TMEM114: variants seen among roughly 807,000 people sequenced by gnomAD.
TMEM114 encodes the protein transmembrane protein 114, also known as claudin-26.
Under a neutral mutation model 6.2 loss-of-function variants are expected in TMEM114, and 6 were observed. The ratio of observed to expected loss-of-function variants is 0.97; its 90% CI spans 0.53 to 1.91. The LOEUF (loss-of-function observed/expected upper bound fraction) is 1.91, where lower values mean the gene tolerates loss of function less well. Ranked by LOEUF, TMEM114 falls within the 40% of genes most tolerant of loss-of-function variation. The pLI is 0.01. For missense variants in TMEM114, 218 were observed against 158.3 expected (o/e 1.38, Z -2.02); for synonymous variants, 104 against 73.0 (o/e 1.42, Z -2.16).
intron 2 of TMEM114, among the ~76,000 whole-genome samples, chr16:8,546,730 A>C (rs556689202): frequency 6.6e-6 from 1 of 152,222 alleles, no homozygotes; most frequent in Admixed American, 6.5e-5. Flanking sequence ...ACTTGTAATT[A>C]TCCCACCTTC....
chr16:8,528,989 A>G, the TMEM114 span, among the ~76,000 whole-genome samples: 9 of 152,214 alleles, frequency 5.9e-5, no homozygotes, highest in Non-Finnish European at 1.3e-4. Flanking sequence ...CTATTTCATG[A>G]CAGCTGAGCA....
intron 2 of TMEM114, among the ~76,000 whole-genome samples, chr16:8,585,678 T>C (rs766569809): frequency 2.0e-5 from 3 of 151,732 alleles, no homozygotes; most frequent in Non-Finnish European, 4.4e-5. Context: ...GAGTACATGG[T>C]ATGAAGGGGC....
intron 2 of TMEM114, among the ~76,000 whole-genome samples, chr16:8,580,428 A>G (rs1902098349): frequency 6.6e-6 from 1 of 151,180 alleles, no homozygotes; most frequent in African/African-American, 2.4e-5. Flanking sequence ...CGGAGGCTGC[A>G]GTGAGGCGAG....
chr16:8,569,515 G>A lies in TMEM114; in HGVS notation c.*258C>T. 2 of 1,384,606 alleles carry A rather than the reference G, an allele frequency of 1.4e-6. No individual in the cohort carries two copies. Among genetic ancestry groups the A allele is most frequent in the East Asian group, 2.7e-5 (1 of 37,484 alleles). 85.8% of individuals were successfully genotyped at this position (1,384,606 alleles called of 1,614,324 possible). A position where few individuals can be genotyped will look rare whatever the true frequency, so the allele number is the denominator to read the frequency against. ...AAGCTCTGTGTGTGATTAAAGGATC[G>A]TTTTTATTTCTCGCGAAGCGGTTTG... On this transcript the variant is annotated 3_prime_UTR_variant, in exon 4 of 4. Transcript: ENST00000620492.
chr16:8,562,586 AAGTAAGTGAATGAGTG>A (rs1334044678), intron 2 of TMEM114, among the ~76,000 whole-genome samples: 1 of 25,192 alleles, frequency 4.0e-5, no homozygotes, highest in South Asian at 1.2e-3. Flanking sequence ...GTGAGGAAAT[AAGTAAGTGAATGAGTG>A]AGTGAGTGAA....
At chr16:8,558,195 G>C (rs1012113950) in intron 2 of TMEM114, among the ~76,000 whole-genome samples, 27 of 152,194 alleles carry the variant, frequency 1.8e-4, no homozygotes, top group African/African-American at 5.8e-4. Context: ...AGATGTTGCA[G>C]TGAGCACACG....
intron 2 of TMEM114, among the ~76,000 whole-genome samples, chr16:8,555,304 G>T (rs766273227): frequency 1.3e-5 from 2 of 152,220 alleles, no homozygotes; most frequent in Admixed American, 6.5e-5. Flanking sequence ...GAGGTGGCAG[G>T]GTTGCAGCTC....
At chr16:8,554,691 C>T (rs919454034) in intron 2 of TMEM114, among the ~76,000 whole-genome samples, 2 of 150,766 alleles carry the variant, frequency 1.3e-5, no homozygotes, top group African/African-American at 4.9e-5. Context: ...GGTTCAAAAT[C>T]CTGGAAATGA....
chr16:8,559,822 G>A (rs1030313394), intron 2 of TMEM114, among the ~76,000 whole-genome samples: 2 of 152,280 alleles, frequency 1.3e-5, no homozygotes, highest in African/African-American at 4.8e-5. Flanking sequence ...TTCCATGACA[G>A]AAGCTGCAGC....
At chr16:8,563,207 G>T (rs1901344501) in intron 2 of TMEM114, among the ~76,000 whole-genome samples, 3 of 151,344 alleles carry the variant, frequency 2.0e-5, no homozygotes, top group Non-Finnish European at 4.4e-5. Flanking sequence ...ATGAGTGAAT[G>T]AGTGAGCAAA....
intron 2 of TMEM114, among the ~76,000 whole-genome samples, chr16:8,580,330 T>C (rs1902093756): frequency 6.6e-6 from 1 of 151,732 alleles, no homozygotes. Context: ...CTACTAAAAA[T>C]ACAAAAATTA....
chr16:8,553,794 C>A (rs1345958376), intron 2 of TMEM114, among the ~76,000 whole-genome samples: 1 of 151,760 alleles, frequency 6.6e-6, no homozygotes, highest in Non-Finnish European at 1.5e-5. Flanking sequence ...CTCAGCTTTT[C>A]AAGTTCATTA....
At chr16:8,553,294 C>G (rs1027428678) in intron 2 of TMEM114, among the ~76,000 whole-genome samples, 3 of 152,210 alleles carry the variant, frequency 2.0e-5, no homozygotes, top group East Asian at 1.9e-4. Flanking sequence ...TCTGGAAAAT[C>G]TGGCCACGGG....
At chr16:8,532,255 T>A in the TMEM114 span, among the ~76,000 whole-genome samples, 1 of 152,202 alleles carries the variant, frequency 6.6e-6, no homozygotes, top group African/African-American at 2.4e-5. Flanking sequence ...TGAACGTAAC[T>A]CCTAGAGTCA....
chr16:8,574,413 C>CA (rs1901843330), intron 2 of TMEM114, among the ~76,000 whole-genome samples: 1 of 152,130 alleles, frequency 6.6e-6, no homozygotes, highest in Non-Finnish European at 1.5e-5. Context: ...CCGTGACCTC[C>CA]ACTCTGACCA....
At chr16:8,564,204 G>GGTGAATGAGTGAGTTA (rs1303268448) in intron 2 of TMEM114, among the ~76,000 whole-genome samples, 1 of 122,182 alleles carries the variant, frequency 8.2e-6, no homozygotes. Context: ...TGAGTGAGTG[G>GGTGAATGAGTGAGTTA]GTGAATGAGT....
chr16:8,537,144 G>T (rs1900384269), downstream of TMEM114, among the ~76,000 whole-genome samples: 4 of 152,040 alleles, frequency 2.6e-5, no homozygotes, highest in Admixed American at 6.5e-5. Context: ...AGTTGAAGCT[G>T]CAGAGAGCTG....
At chr16:8,579,247 A>G (rs551244613) in intron 2 of TMEM114, among the ~76,000 whole-genome samples, 2 of 152,312 alleles carry the variant, frequency 1.3e-5, no homozygotes, top group Admixed American at 1.3e-4. Context: ...CGAGCGGTCA[A>G]TGCTCTTACG....
chr16:8,536,350 A>T (rs1900359417), downstream of TMEM114, among the ~76,000 whole-genome samples: 1 of 152,134 alleles, frequency 6.6e-6, no homozygotes, highest in Non-Finnish European at 1.5e-5. Context: ...TCATATAATA[A>T]TTTGTACATA....
Sources: gnomAD v4.1 joint callset for allele counts (sites outside exome capture counted in the v4.1 genomes callset) on GRCh38, gnomAD v4.1.1 for gene constraint, MANE v1.5 for transcripts, NCBI Gene and HGNC (gene_info 2026-07-23, HGNC 2026-07-21) for gene names.